LDHC: variants seen among roughly 807,000 people sequenced by gnomAD.
LDHC encodes the protein lactate dehydrogenase C, also known as L-lactate dehydrogenase C chain.
In LDHC, 20 loss-of-function variants were observed where a neutral mutation model predicts 30.2. The ratio of observed to expected loss-of-function variants is 0.66; its 90% CI spans 0.47 to 0.96. The LOEUF (loss-of-function observed/expected upper bound fraction) is 0.96. LDHC is among the 40% of genes least tolerant of loss of function. The pLI, the probability that LDHC is intolerant of heterozygous loss-of-function variation, is 0.00. For synonymous variants in LDHC, 139 were observed against 132.7 expected, an observed-to-expected ratio of 1.05 and a Z score of -0.32; for missense variants, 362 against 394.9, an observed-to-expected ratio of 0.92 and a Z score of 0.71.
chr11:18,449,845 GA>G (rs1251260578), intron 7 of LDHC, among the ~76,000 whole-genome samples: 1 of 152,172 alleles, frequency 6.6e-6, no homozygotes, highest in Non-Finnish European at 1.5e-5. Context: ...CTGCAGCATG[GA>G]AAGCTGTGAG....
rs528390620 is a variant in LDHC at position 18,418,702 on chromosome 11, T to C, written c.244+3401T>C. On this transcript the variant is annotated intron_variant, in intron 3 of 7. Coordinates refer to ENST00000541669, the MANE Select transcript of LDHC (RefSeq NM_017448.5). Reference sequence around the variant, plus strand: ...TCGGCCTCCCAAAGTGCTGGGATTATAGGTGTGAGCCACCGCACCTGGCCA... The same window carrying C: ...TCGGCCTCCCAAAGTGCTGGGATTACAGGTGTGAGCCACCGCACCTGGCCA... Among the ~76,000 whole-genome samples, 236 of 152,196 alleles carry C rather than the reference T, an allele frequency of 1.6e-3. 1 individual carries two copies. Among genetic ancestry groups the C allele is most frequent in the Middle Eastern group, 3.4e-3 (1 of 294 alleles).
rs1475729686 is a variant in LDHC, at chr11:18,422,244, TGACA to T, written c.244+6948_244+6951del. ...TATAAAACTAAAAGTTTAGCAAGGA[TGACA>T]GACAAAGTTAGTAATCAGAAATCAA... is the stretch of plus-strand genomic sequence containing the variant. On this transcript the variant is annotated intron_variant, in intron 3 of 7. Coordinates refer to ENST00000541669, the MANE Select transcript of LDHC (RefSeq NM_017448.5). Among the ~76,000 whole-genome samples, 4 of 145,232 alleles carry T rather than the reference TGACA, an allele frequency of 2.8e-5. No individual in the cohort carries two copies. In the Admixed American group the frequency reaches 2.9e-4, roughly 10 times the overall value.
At chr11:18,415,151 G>T (rs755209277) in intron 2 of LDHC, 33 bp from the exon 3 acceptor site, 2 of 1,211,714 alleles carry the variant, frequency 1.7e-6, no homozygotes, top group African/African-American at 1.5e-5. Context: ...ACTTAAGTAG[G>T]AACATTTTAT....
At chr11:18,440,299 C>G (rs984940939) in intron 6 of LDHC, among the ~76,000 whole-genome samples, 1 of 151,828 alleles carries the variant, frequency 6.6e-6, no homozygotes, top group Non-Finnish European at 1.5e-5. Context: ...GGCAACAGAG[C>G]AAGACTCTGT....
chr11:18,443,648 T>C (rs573826560), intron 6 of LDHC, among the ~76,000 whole-genome samples: 6 of 152,082 alleles, frequency 3.9e-5, no homozygotes, highest in Admixed American at 2.0e-4. Context: ...TTGGTAGTGA[T>C]GGGGTTTCAC....
chr11:18,412,443 T>C (rs180825230), intron 1 of LDHC, 35 bp downstream of exon 1: 3 of 362,522 alleles, frequency 8.3e-6, no homozygotes, highest in East Asian at 6.2e-5. Context: ...TCTGTACTGA[T>C]TGCGCCAAGC....
intron 7 of LDHC, among the ~76,000 whole-genome samples, chr11:18,449,428 T>TAAAAA (rs557136321): frequency 0.02 from 983 of 48,440 alleles, 91 homozygotes; most frequent in African/African-American, 0.029. Flanking sequence ...CACTGTCTCC[T>TAAAAA]AAAAAAAAAA....
chr11:18,419,424 T>C (rs1260175776), intron 3 of LDHC, among the ~76,000 whole-genome samples: 1 of 152,200 alleles, frequency 6.6e-6, no homozygotes, highest in Non-Finnish European at 1.5e-5. Flanking sequence ...TTAGACACTT[T>C]AGTGGGGGAA....
chr11:18,451,243 G>C lies in LDHC; in HGVS notation c.*116G>C. The C allele has an allele frequency of 1.6e-6, 1 of 622,514 alleles. No individual in the cohort carries two copies. The highest frequency in any genetic ancestry group is 3.4e-5 in the East Asian group (1 of 29,506). The allele number at this position is 622,514 out of a possible 1,614,324, so 38.6% of individuals were successfully genotyped here. A position where few individuals can be genotyped will look rare whatever the true frequency, so the allele number is the denominator to read the frequency against. Reference sequence around the variant, plus strand: ...AAAAATAAAAACAAATTGGAGACCTGTGACATAACTCTAGTCTCTCAAGAT... The same window carrying C: ...AAAAATAAAAACAAATTGGAGACCTCTGACATAACTCTAGTCTCTCAAGAT... On this transcript the variant is annotated 3_prime_UTR_variant, in exon 8 of 8. Transcript: ENST00000541669.
At chr11:18,414,488 T>G (rs543733562) in intron 2 of LDHC, among the ~76,000 whole-genome samples, 3 of 152,276 alleles carry the variant, frequency 2.0e-5, no homozygotes, top group Non-Finnish European at 4.4e-5. Context: ...CGACGCATAC[T>G]AAAAGCAGCT....
At chr11:18,428,806 C>A (rs2134057322) in intron 3 of LDHC, among the ~76,000 whole-genome samples, 1 of 150,366 alleles carries the variant, frequency 6.7e-6, no homozygotes, top group East Asian at 2.0e-4. Context: ...ACCTGAGTGG[C>A]AGACGTTGCA....
chr11:18,412,966 C>G, intron 2 of LDHC, 123 bp downstream of exon 2: 1 of 414,376 alleles, frequency 2.4e-6, no homozygotes, highest in Non-Finnish European at 4.1e-6. Flanking sequence ...TTTGACCTTT[C>G]CTCCCTCCCT....
chr11:18,451,987 G>C lies in LDHC; in HGVS notation c.*860G>C, dbSNP rs538935372. Reference sequence around the variant, plus strand: ...GCAGAAACAAGAAGAAGATACAGATGTAACTTTACGATGTAAAAAATCTAA... The same window carrying C: ...GCAGAAACAAGAAGAAGATACAGATCTAACTTTACGATGTAAAAAATCTAA... On this transcript the variant is annotated 3_prime_UTR_variant, in exon 8 of 8. Coordinates refer to ENST00000541669, the MANE Select transcript of LDHC (RefSeq NM_017448.5). The C allele has an allele frequency of 6.6e-6, 1 of 152,172 alleles. No homozygotes were observed. The highest frequency in any genetic ancestry group is 2.4e-5 in the African/African-American group (1 of 41,426). The allele number at this position is 152,172 out of a possible 1,614,324, so 9.4% of individuals were successfully genotyped here.
intron 3 of LDHC, among the ~76,000 whole-genome samples, chr11:18,427,474 G>A (rs965096782): frequency 6.6e-6 from 1 of 152,278 alleles, no homozygotes; most frequent in Non-Finnish European, 1.5e-5. Flanking sequence ...TACACAGCTA[G>A]TAAGTGGCAA....
chr11:18,440,174 T>C (rs1351294812), intron 6 of LDHC, among the ~76,000 whole-genome samples: 5 of 140,538 alleles, frequency 3.6e-5, no homozygotes, highest in African/African-American at 8.0e-5. Context: ...ATTAGCCGGG[T>C]GTGGTGGTGT....
At chr11:18,447,260 A>T (rs1848569446) in intron 7 of LDHC, among the ~76,000 whole-genome samples, 2 of 151,926 alleles carry the variant, frequency 1.3e-5, no homozygotes, top group African/African-American at 4.8e-5. Context: ...CAGCCTCCCA[A>T]GTAGCTGGGA....
At chr11:18,424,067 TAGG>T (rs1161775923) in intron 3 of LDHC, among the ~76,000 whole-genome samples, 1 of 151,574 alleles carries the variant, frequency 6.6e-6, no homozygotes, top group Non-Finnish European at 1.5e-5. Flanking sequence ...ACACAGCATA[TAGG>T]AGTGTAGTAA....
chr11:18,425,942 G>GA (rs113905566), intron 3 of LDHC, among the ~76,000 whole-genome samples: 22,672 of 146,498 alleles, frequency 0.15, 1,932 homozygotes, highest in African/African-American at 0.23. Context: ...CTCTGTCTCA[G>GA]AAAAAAAAAG....
intron 3 of LDHC, among the ~76,000 whole-genome samples, chr11:18,418,629 G>C (rs1166863833): frequency 2.0e-5 from 3 of 151,862 alleles, no homozygotes; most frequent in African/African-American, 4.8e-5. Context: ...GTTTCACCAT[G>C]TTGGCCAGGC....
Sources: allele counts gnomAD v4.1 joint callset (sites outside exome capture counted in the v4.1 genomes callset), GRCh38; gene constraint gnomAD v4.1.1; transcripts MANE v1.5; gene names NCBI Gene and HGNC (gene_info 2026-07-23, HGNC 2026-07-21).